Variants in FOXP2 observed in about 807,000 individuals in gnomAD.
FOXP2 encodes forkhead box P2, also known as forkhead box protein P2.
FOXP2 carries 12 observed loss-of-function variants against 115.8 expected under a neutral mutation model. That is an observed-to-expected ratio of 0.10 (90% CI 0.07 to 0.17). The LOEUF is 0.17. FOXP2 is among the 10% of genes least tolerant of loss of function. FOXP2 has a pLI of 1.00. For synonymous variants in FOXP2, 328 were observed against 297.7 expected, an observed-to-expected ratio of 1.10 and a Z score of -1.05; for missense variants, 629 against 843.5, an observed-to-expected ratio of 0.75 and a Z score of 3.15.
At chr7:114,294,053 A>G (rs1391452705) in intron 2 of FOXP2, among the ~76,000 whole-genome samples, 2 of 152,190 alleles carry the variant, frequency 1.3e-5, no homozygotes, top group African/African-American at 4.8e-5. Flanking sequence ...ATGAAATATG[A>G]TGTCTCTCAG....
chr7:114,504,283 T>G (rs990274765), intron 2 of FOXP2, among the ~76,000 whole-genome samples: 2 of 151,644 alleles, frequency 1.3e-5, no homozygotes, highest in African/African-American at 4.8e-5. Flanking sequence ...ATTACTTTTT[T>G]CTCTCCATTT....
intron 2 of FOXP2, among the ~76,000 whole-genome samples, chr7:114,396,763 A>G (rs978957589): frequency 6.6e-6 from 1 of 152,084 alleles, no homozygotes; most frequent in African/African-American, 2.4e-5. Flanking sequence ...GCTCTACTGC[A>G]CAACATAGGG....
At chr7:114,129,000 C>T (rs921859913) in intron 1 of FOXP2, among the ~76,000 whole-genome samples, 3 of 152,214 alleles carry the variant, frequency 2.0e-5, no homozygotes, top group Non-Finnish European at 4.4e-5. Context: ...GCTGCAATAC[C>T]TTGGATATCT....
chr7:114,123,138 A>G (rs983728464), intron 1 of FOXP2, among the ~76,000 whole-genome samples: 7 of 151,858 alleles, frequency 4.6e-5, no homozygotes, highest in African/African-American at 1.7e-4. Flanking sequence ...ATAGCTTGAG[A>G]CCAAGAGTTT....
chr7:114,355,317 T>G (rs1021462512), intron 2 of FOXP2, among the ~76,000 whole-genome samples: 3 of 152,194 alleles, frequency 2.0e-5, no homozygotes, highest in Non-Finnish European at 4.4e-5. Context: ...TGGCTCTCAC[T>G]TTGATTTCCC....
chr7:114,379,132 C>T (rs1485043204), intron 2 of FOXP2, among the ~76,000 whole-genome samples: 2 of 152,132 alleles, frequency 1.3e-5, no homozygotes, highest in East Asian at 3.9e-4. Flanking sequence ...GAAAACAGAG[C>T]TCCCATACAA....
intron 1 of FOXP2, among the ~76,000 whole-genome samples, chr7:114,143,963 G>A (rs916005186): frequency 3.9e-5 from 6 of 151,984 alleles, no homozygotes; most frequent in Non-Finnish European, 8.8e-5. Flanking sequence ...CTGATTTTAG[G>A]ATGGTGCAGA....
chr7:114,219,186 A>C (rs930575729), intron 1 of FOXP2, among the ~76,000 whole-genome samples: 1 of 152,104 alleles, frequency 6.6e-6, no homozygotes, highest in African/African-American at 2.4e-5. Context: ...AATTTTATAA[A>C]ATTTTTCAAA....
intron 1 of FOXP2, among the ~76,000 whole-genome samples, chr7:114,149,893 A>C (rs1021630068): frequency 1.2e-4 from 18 of 152,094 alleles, no homozygotes; most frequent in African/African-American, 4.1e-4. Context: ...AAATAGAGCC[A>C]GGAAATTTGG....
intron 4 of FOXP2, chr7:114,629,011 C>A (rs1804746511): frequency 6.7e-6 from 2 of 300,276 alleles, no homozygotes; most frequent in Non-Finnish European, 1.3e-5. Context: ...ATAATAGTTG[C>A]TTTTAAAACT....
At chr7:114,378,453 AAAG>A (rs1279100140) in intron 2 of FOXP2, among the ~76,000 whole-genome samples, 1 of 151,908 alleles carries the variant, frequency 6.6e-6, no homozygotes, top group Non-Finnish European at 1.5e-5. Context: ...GGAGGCTGAG[AAAG>A]AAGGATTTCT....
At chr7:114,252,560 A>G (rs994351793) in intron 1 of FOXP2, among the ~76,000 whole-genome samples, 1 of 151,876 alleles carries the variant, frequency 6.6e-6, no homozygotes, top group African/African-American at 2.4e-5. Flanking sequence ...TTTCTTCTAG[A>G]TTTTCTAGTT....
rs535269624 is a variant in FOXP2, at chr7:114,214,047, A to G, written c.-102+50959A>G. Among the ~76,000 whole-genome samples the G allele has an allele frequency of 3.3e-5, 5 of 152,296 alleles. No homozygotes were observed. In the South Asian group the frequency reaches 1.0e-3, roughly 32 times the overall value. Reference sequence around the variant, plus strand: ...AGGATACACTTATTTATTAAACTGTAATTTTTCTTCTGAAATGTTATCAGT... The same window carrying G: ...AGGATACACTTATTTATTAAACTGTGATTTTTCTTCTGAAATGTTATCAGT... On this transcript the variant is annotated intron_variant, in intron 1 of 17. Coordinates refer to the FOXP2 transcript ENST00000634411.
chr7:114,398,666 G>A (rs1373377922), intron 2 of FOXP2, among the ~76,000 whole-genome samples: 3 of 152,338 alleles, frequency 2.0e-5, no homozygotes, highest in South Asian at 4.1e-4. Flanking sequence ...ATGAGCACTT[G>A]TGTGCACAGT....
At chr7:114,346,706 A>G (rs189790676) in intron 2 of FOXP2, among the ~76,000 whole-genome samples, 88 of 151,954 alleles carry the variant, frequency 5.8e-4, no homozygotes, top group African/African-American at 2.0e-3. Flanking sequence ...GACCTCATTC[A>G]TAAGTGGAAT....
At chr7:114,251,825 G>A (rs938308324) in intron 1 of FOXP2, among the ~76,000 whole-genome samples, 2 of 152,070 alleles carry the variant, frequency 1.3e-5, no homozygotes, top group Non-Finnish European at 1.5e-5. Flanking sequence ...TTCCAACACT[G>A]TGTTGAATAG....
intron 2 of FOXP2, among the ~76,000 whole-genome samples, chr7:114,317,552 A>G (rs1364134258): frequency 6.6e-6 from 1 of 151,662 alleles, no homozygotes; most frequent in Non-Finnish European, 1.5e-5. Context: ...AATGCAAGCC[A>G]CCATCACCTC....
At chr7:114,415,382 G>A (rs1249335319) in intron 1 of FOXP2, 22 bp downstream of exon 1, 5 of 438,858 alleles carry the variant, frequency 1.1e-5, no homozygotes, top group Admixed American at 2.5e-5. Context: ...TTTGCTAAGA[G>A]AATATCTGTA....
At chr7:114,543,662 G>A (rs944974026) in intron 3 of FOXP2, among the ~76,000 whole-genome samples, 1 of 152,210 alleles carries the variant, frequency 6.6e-6, no homozygotes, top group Admixed American at 6.5e-5. Flanking sequence ...TGAGAAGTCA[G>A]CAATCTGAAG....
Sources: allele counts gnomAD v4.1 joint callset (sites outside exome capture counted in the v4.1 genomes callset), GRCh38; gene constraint gnomAD v4.1.1; transcripts MANE v1.5; gene names NCBI Gene and HGNC (gene_info 2026-07-23, HGNC 2026-07-21).